Variants in TRHDE observed in about 807,000 individuals in gnomAD.
TRHDE encodes the protein thyrotropin-releasing hormone-degrading ectoenzyme.
TRHDE carries 72 observed loss-of-function variants against 125.7 expected under a neutral mutation model. That is an observed-to-expected ratio of 0.57 (90% CI 0.47 to 0.70). The LOEUF (loss-of-function observed/expected upper bound fraction) is 0.70, where lower values mean the gene tolerates loss of function less well. Ranked by LOEUF, TRHDE falls within the 30% of genes least tolerant of loss-of-function variation. The pLI, the probability that TRHDE is intolerant of heterozygous loss-of-function variation, is 0.00. For missense variants in TRHDE, 1,110 were observed against 1,327.1 expected (o/e 0.84, Z 2.54); for synonymous variants, 509 against 509.1 (o/e 1.00, Z 0.00).
rs567178020 is a variant in TRHDE, at chr12:72,630,618, CTTTG to C, written c.2675+8872_2675+8875del. ...ATAATCAGTAGTTTTGATTTTTTTCCTTTGTTTGATGGAATATCAGGGAGGTATT... is the reference window on the plus strand; with the variant it reads ...ATAATCAGTAGTTTTGATTTTTTTCCTTTGATGGAATATCAGGGAGGTATT... On this transcript the variant is annotated intron_variant, in intron 15 of 18. Transcript: ENST00000261180. 3.3e-5 allele frequency among the ~76,000 whole-genome samples: 5 copies of C among 151,600 alleles called. No individual in the cohort carries two copies. In the South Asian group the frequency reaches 1.0e-3, roughly 32 times the overall value.
intron 3 of TRHDE, among the ~76,000 whole-genome samples, chr12:72,439,312 GA>G (rs1270721773): frequency 6.6e-6 from 1 of 151,614 alleles, no homozygotes; most frequent in Non-Finnish European, 1.5e-5. Context: ...AAAATTTTGA[GA>G]TTTTTTTCTA....
chr12:72,438,701 CA>C (rs1874859770), intron 3 of TRHDE, among the ~76,000 whole-genome samples: 1 of 151,748 alleles, frequency 6.6e-6, no homozygotes, highest in Admixed American at 6.6e-5. Context: ...GTAGAGTTTG[CA>C]AATATTTTTG....
intron 2 of TRHDE, among the ~76,000 whole-genome samples, chr12:72,343,679 T>C (rs1434762053): frequency 6.6e-6 from 1 of 152,092 alleles, no homozygotes; most frequent in Non-Finnish European, 1.5e-5. Flanking sequence ...TGAGTATTCT[T>C]CTCAATGGAT....
rs147872624 is a variant in TRHDE, at chr12:72,091,670, A to T, written n.174+4231A>T. Among the ~76,000 whole-genome samples the T allele has an allele frequency of 1.6e-3, 250 of 152,314 alleles. 1 individual carries two copies. The highest frequency in any genetic ancestry group is 5.7e-3 in the African/African-American group (238 of 41,578). On this transcript the variant is annotated intron_variant and non_coding_transcript_variant, in intron 1 of 4. Transcript: ENST00000548156. ...AACTCAGTATACCACTGGGGGCTAT[A>T]TAAGTAAACAGCAAACTGTTCTCGT...
At chr12:72,626,037 T>A (rs750193725) in intron 15 of TRHDE, among the ~76,000 whole-genome samples, 1 of 151,950 alleles carries the variant, frequency 6.6e-6, no homozygotes, top group Non-Finnish European at 1.5e-5. Context: ...TTTGTTGGGC[T>A]CCACCCTCTG....
intron 3 of TRHDE, among the ~76,000 whole-genome samples, chr12:72,379,314 T>C (rs913766742): frequency 6.6e-6 from 1 of 152,242 alleles, no homozygotes; most frequent in Non-Finnish European, 1.5e-5. Context: ...ATATGTACTT[T>C]TAGAATTCAT....
At chr12:72,441,359 T>C (rs1007012825) in intron 3 of TRHDE, among the ~76,000 whole-genome samples, 3 of 151,898 alleles carry the variant, frequency 2.0e-5, no homozygotes, top group Non-Finnish European at 4.4e-5. Context: ...TAATAATAAC[T>C]TTTCAGTTTT....
intron 2 of TRHDE, among the ~76,000 whole-genome samples, chr12:72,236,475 T>C (rs1300091946): frequency 6.6e-6 from 1 of 152,158 alleles, no homozygotes; most frequent in East Asian, 1.9e-4. Flanking sequence ...ATGTCAAATA[T>C]ATTATTGACT....
intron 2 of TRHDE, among the ~76,000 whole-genome samples, chr12:72,259,555 T>C (rs1172642949): frequency 2.6e-5 from 4 of 152,202 alleles, no homozygotes; most frequent in Non-Finnish European, 5.9e-5. Flanking sequence ...AATGGATACA[T>C]ACAGACACAC....
At chr12:72,184,060 G>A (rs1280779832) in intron 2 of TRHDE, among the ~76,000 whole-genome samples, 1 of 152,148 alleles carries the variant, frequency 6.6e-6, no homozygotes, top group African/African-American at 2.4e-5. Context: ...ATAGCTAGAA[G>A]CAGTACAACA....
intron 6 of TRHDE, among the ~76,000 whole-genome samples, chr12:72,540,479 C>T (rs905215034): frequency 1.2e-4 from 18 of 151,742 alleles, no homozygotes; most frequent in Middle Eastern, 3.4e-3. Flanking sequence ...TGACAAGAGA[C>T]CAAGTCATCA....
chr12:72,480,466 A>G (rs1282145448), intron 5 of TRHDE, among the ~76,000 whole-genome samples: 4 of 152,214 alleles, frequency 2.6e-5, no homozygotes, highest in Non-Finnish European at 5.9e-5. Context: ...CATTTTGCTC[A>G]GAAAGATGGT....
intron 3 of TRHDE, among the ~76,000 whole-genome samples, chr12:72,428,461 T>C (rs760533326): frequency 1.2e-4 from 18 of 152,254 alleles, no homozygotes; most frequent in Middle Eastern, 3.4e-3. Context: ...GGATAAAGTA[T>C]CAAAAAGGAT....
At chr12:72,391,535 A>G (rs545831301) in intron 3 of TRHDE, among the ~76,000 whole-genome samples, 2 of 152,222 alleles carry the variant, frequency 1.3e-5, no homozygotes, top group African/African-American at 2.4e-5. Context: ...CGTATGGTAA[A>G]TAATTCACAA....
chr12:72,570,546 A>C (rs545488514), intron 10 of TRHDE, among the ~76,000 whole-genome samples: 1 of 137,890 alleles, frequency 7.3e-6, no homozygotes, highest in East Asian at 2.1e-4. Context: ...GCGCTATGGC[A>C]CTCCAGCCTG....
chr12:72,214,979 T>C (rs1390944063), intron 2 of TRHDE, among the ~76,000 whole-genome samples: 1 of 152,206 alleles, frequency 6.6e-6, no homozygotes, highest in Non-Finnish European at 1.5e-5. Context: ...CGATCATTTA[T>C]TGAGTGCCTT....
chr12:72,463,893 T>C (rs140305582), intron 3 of TRHDE, among the ~76,000 whole-genome samples: 204 of 152,324 alleles, frequency 1.3e-3, no homozygotes, highest in African/African-American at 4.5e-3. Flanking sequence ...TCAGTTAGTA[T>C]GTACTATTGA....
intron 2 of TRHDE, chr12:72,256,631 A>AAATG (rs34090999): frequency 0.12 from 18,811 of 152,100 alleles, 1,209 homozygotes; most frequent in Non-Finnish European, 0.14. Context: ...TTTGTTGACT[A>AAATG]AATGAATGAA....
In TRHDE at chr12:72,286,728, T is replaced by C; in HGVS notation, c.962T>C (p.Phe321Ser). 1 of 1,614,056 alleles carries C rather than the reference T, an allele frequency of 6.2e-7. No homozygotes were observed. Among genetic ancestry groups the C allele is most frequent in the Non-Finnish European group, 8.5e-7 (1 of 1,179,986 alleles). The change falls in exon 2 of 19, where the codon TTT becomes TCT. Residue 321 changes from phenylalanine to serine, a missense_variant. Coordinates refer to ENST00000261180, the MANE Select transcript of TRHDE (RefSeq NM_013381.3). ...QFSPTHARKAFPCFDEPIYKA... is the reference protein window; with the variant it reads ...QFSPTHARKASPCFDEPIYKA... Reference sequence around the variant, plus strand: ...TCGCCTACACATGCCAGAAAGGCATTTCCTTGTTTTGATGAGCCAATCTAC... The same window carrying C: ...TCGCCTACACATGCCAGAAAGGCATCTCCTTGTTTTGATGAGCCAATCTAC...
Sources: allele counts gnomAD v4.1 joint callset (sites outside exome capture counted in the v4.1 genomes callset), GRCh38; gene constraint gnomAD v4.1.1; transcripts MANE v1.5; gene names NCBI Gene and HGNC (gene_info 2026-07-23, HGNC 2026-07-21).